ZNF385D: variants seen among roughly 807,000 people sequenced by gnomAD.
ZNF385D encodes the protein zinc finger protein 385D.
In ZNF385D, 15 loss-of-function variants were observed where a neutral mutation model predicts 35.8. That is an observed-to-expected ratio of 0.42 (90% CI 0.28 to 0.64). The LOEUF is 0.64. ZNF385D is among the 30% of genes least tolerant of loss of function. The probability of loss-of-function intolerance (pLI) is 0.23; values close to 1 mark genes in which losing one functional copy is unlikely to be tolerated. For missense variants in ZNF385D, 474 were observed against 494.6 expected (o/e 0.96, Z 0.39); for synonymous variants, 212 against 186.8 (o/e 1.13, Z -1.10).
At chr3:22,197,747 G>A (rs1462280593) in intron 2 of ZNF385D, among the ~76,000 whole-genome samples, 1 of 152,006 alleles carries the variant, frequency 6.6e-6, no homozygotes, top group African/African-American at 2.4e-5. Context: ...TCAGATTCTG[G>A]GACTCATGAC....
chr3:21,667,620 T>C (rs1282341149), intron 1 of ZNF385D, among the ~76,000 whole-genome samples: 3 of 152,254 alleles, frequency 2.0e-5, no homozygotes, highest in African/African-American at 7.2e-5. Flanking sequence ...CAGTTGTTTA[T>C]CTTGCTTCCG....
intron 3 of ZNF385D, among the ~76,000 whole-genome samples, chr3:21,943,978 T>A (rs995445728): frequency 1.3e-5 from 2 of 152,184 alleles, no homozygotes; most frequent in Admixed American, 1.3e-4. Flanking sequence ...CAAAACCTAG[T>A]GAACCATGGA....
intron 2 of ZNF385D, among the ~76,000 whole-genome samples, chr3:21,575,111 G>A (rs2063457576): frequency 1.3e-5 from 2 of 152,226 alleles, no homozygotes; most frequent in African/African-American, 4.8e-5. Flanking sequence ...TTTCTTTTGA[G>A]TTCTTTACAG....
chr3:21,704,819 G>A (rs916647249), intron 1 of ZNF385D, among the ~76,000 whole-genome samples: 2 of 152,094 alleles, frequency 1.3e-5, no homozygotes, highest in Non-Finnish European at 2.9e-5. Context: ...TTACATGAAG[G>A]AATAAACTAT....
At chr3:22,187,798 C>T (rs899761656) in intron 2 of ZNF385D, among the ~76,000 whole-genome samples, 1 of 152,074 alleles carries the variant, frequency 6.6e-6, no homozygotes, top group African/African-American at 2.4e-5. Context: ...GGTAGCTGTC[C>T]ACAATAATGT....
chr3:21,742,355 C>T (rs2069557402), intron 1 of ZNF385D, among the ~76,000 whole-genome samples: 2 of 152,168 alleles, frequency 1.3e-5, no homozygotes, highest in South Asian at 4.1e-4. Context: ...TCTTCCCCAA[C>T]CAAACTCTTA....
At chr3:22,359,565 C>G (rs1696319882) in intron 2 of ZNF385D, among the ~76,000 whole-genome samples, 2 of 151,708 alleles carry the variant, frequency 1.3e-5, no homozygotes, top group African/African-American at 4.8e-5. Flanking sequence ...GATAACGGAG[C>G]AATCATTGTA....
At chr3:21,556,620 C>T (rs1037223823) in intron 3 of ZNF385D, among the ~76,000 whole-genome samples, 18 of 152,164 alleles carry the variant, frequency 1.2e-4, no homozygotes, top group Non-Finnish European at 2.4e-4. Context: ...GTTTTGGTTA[C>T]TGTATCCTTG....
intron 2 of ZNF385D, among the ~76,000 whole-genome samples, chr3:22,240,912 T>C (rs765716602): frequency 1.3e-4 from 20 of 151,000 alleles, no homozygotes; most frequent in Non-Finnish European, 1.6e-4. Context: ...CATGCTTCTT[T>C]TGATGCATAT....
At chr3:21,473,943 A>G (rs1199396016) in intron 4 of ZNF385D, among the ~76,000 whole-genome samples, 1 of 152,108 alleles carries the variant, frequency 6.6e-6, no homozygotes, top group Non-Finnish European at 1.5e-5. Context: ...AAGATAGCAG[A>G]TATTTTATAT....
At chr3:21,778,979 G>A (rs967034944) in intron 3 of ZNF385D, among the ~76,000 whole-genome samples, 4 of 151,908 alleles carry the variant, frequency 2.6e-5, no homozygotes, top group Non-Finnish European at 5.9e-5. Context: ...ACTAAATTTT[G>A]CCCCATGGAG....
In ZNF385D at chr3:21,799,441, T is replaced by C. The variant is rs533629154; in HGVS notation, c.326-134413A>G. Among the ~76,000 whole-genome samples, 7 of 152,322 alleles carry C rather than the reference T, an allele frequency of 4.6e-5. No homozygotes were observed. The South Asian group carries it at 1.0e-3, about 23-fold the overall frequency. Reference sequence around the variant, plus strand: ...TCATTAACACTTGTTTTGTAAATTATAGGCATCCTAGTGGGTATGGAGTAT... The same window carrying C: ...TCATTAACACTTGTTTTGTAAATTACAGGCATCCTAGTGGGTATGGAGTAT... On this transcript the variant is annotated intron_variant, in intron 3 of 5. Transcript: ENST00000494108.
At chr3:22,110,202 A>G (rs1702439532) in intron 3 of ZNF385D, among the ~76,000 whole-genome samples, 2 of 152,126 alleles carry the variant, frequency 1.3e-5, no homozygotes, top group South Asian at 4.1e-4. Context: ...ACTGTAAACT[A>G]GTTCAACCAT....
chr3:22,309,665 A>G (rs1188562917), intron 2 of ZNF385D, among the ~76,000 whole-genome samples: 1 of 152,042 alleles, frequency 6.6e-6, no homozygotes, highest in African/African-American at 2.4e-5. Flanking sequence ...GTGACAGTCG[A>G]CAATTAAGCT....
At chr3:21,857,795 G>T (rs1696809916) in intron 3 of ZNF385D, among the ~76,000 whole-genome samples, 1 of 151,772 alleles carries the variant, frequency 6.6e-6, no homozygotes, top group Admixed American at 6.6e-5. Context: ...ATTCAGAGAG[G>T]AGTCACCTTT....
chr3:21,543,895 T>C (rs2062276932), intron 3 of ZNF385D, among the ~76,000 whole-genome samples: 1 of 152,192 alleles, frequency 6.6e-6, no homozygotes, highest in Non-Finnish European at 1.5e-5. Context: ...CAAGGCTTTG[T>C]TTAGCAATCC....
At position 21,425,480 on chromosome 3, in the gene ZNF385D, C is replaced by T. The variant is rs73820942; in HGVS notation, c.852+12G>A. The T allele has an allele frequency of 4.3e-5, 68 of 1,569,724 alleles. No individual in the cohort carries two copies. Among genetic ancestry groups the T allele is most frequent in the African/African-American group, 3.8e-4 (28 of 73,244 alleles). Reference sequence around the variant, plus strand: ...CTTGTTGGTTTTCATTCCTAGAATACGTGCTGTTTACCTGTTTAAGTTGCG... The same window carrying T: ...CTTGTTGGTTTTCATTCCTAGAATATGTGCTGTTTACCTGTTTAAGTTGCG... On this transcript the variant is annotated intron_variant, in intron 6 of 7. Coordinates refer to ENST00000281523, the MANE Select transcript of ZNF385D (RefSeq NM_024697.3).
At position 21,759,574 on chromosome 3, in the gene ZNF385D, C is replaced by T. The variant is rs184554516; in HGVS notation, c.326-94546G>A. ...ATATGCCTCCAAAGACATTTGGTGA[C>T]ACAATAACATGAGTTAATACATCTT... On this transcript the variant is annotated intron_variant, in intron 3 of 5. Coordinates refer to the ZNF385D transcript ENST00000494108. 3.5e-3 allele frequency among the ~76,000 whole-genome samples: 532 copies of T among 152,164 alleles called. 1 individual carries two copies. The highest frequency in any genetic ancestry group is 5.6e-3 in the Non-Finnish European group (383 of 68,006).
At chr3:22,172,405 G>A (rs1694521600) in intron 2 of ZNF385D, among the ~76,000 whole-genome samples, 1 of 152,132 alleles carries the variant, frequency 6.6e-6, no homozygotes, top group Non-Finnish European at 1.5e-5. Context: ...AAATGTATGT[G>A]AGTTAATTTG....
Sources: gnomAD v4.1 joint callset for allele counts (sites outside exome capture counted in the v4.1 genomes callset) on GRCh38, gnomAD v4.1.1 for gene constraint, MANE v1.5 for transcripts, NCBI Gene and HGNC (gene_info 2026-07-23, HGNC 2026-07-21) for gene names.